The following PEBP4 variants were observed in gnomAD, a reference collection of about 807,000 sequenced individuals.
The protein encoded by PEBP4 is phosphatidylethanolamine binding protein 4, also known as phosphatidylethanolamine-binding protein 4.
In PEBP4, 22 loss-of-function variants were observed where a neutral mutation model predicts 23.9. That is an observed-to-expected ratio of 0.92 (90% CI 0.66 to 1.31). The LOEUF is 1.31. Ranked by LOEUF, PEBP4 falls within the 40% of genes most tolerant of loss-of-function variation. The pLI is 0.00. For missense variants in PEBP4, 324 were observed against 281.7 expected, an observed-to-expected ratio of 1.15 and a Z score of -1.07; for synonymous variants, 112 against 99.3, an observed-to-expected ratio of 1.13 and a Z score of -0.76.
rs1024648186 is a variant in PEBP4, at chr8:22,750,757, G to A, written c.358-23537C>T. Among the ~76,000 whole-genome samples the A allele has an allele frequency of 7.2e-5, 11 of 152,204 alleles. No homozygotes were observed. The East Asian group carries it at 1.2e-3, about 16-fold the overall frequency. ...CTTCACTCTCTCTCAGCTCCCTCTC[G>A]GAACTAAGACCTGAGCAAAGGGGTC... On this transcript the variant is annotated intron_variant, in intron 4 of 6. Coordinates refer to ENST00000256404, the MANE Select transcript of PEBP4 (RefSeq NM_144962.3).
chr8:22,823,794 A>G (rs1280339184), intron 3 of PEBP4, among the ~76,000 whole-genome samples: 8 of 152,120 alleles, frequency 5.3e-5, no homozygotes, highest in Non-Finnish European at 1.0e-4. Context: ...TTAAATCCAT[A>G]AAAAAAGACT....
intron 6 of PEBP4, among the ~76,000 whole-genome samples, chr8:22,723,378 T>C (rs541746385): frequency 7.8e-4 from 119 of 152,210 alleles, no homozygotes; most frequent in African/African-American, 2.8e-3. Context: ...TCCTCTCCCT[T>C]GTCTGTCCCT....
At chr8:22,773,984 G>C (rs7828469) in intron 4 of PEBP4, among the ~76,000 whole-genome samples, 37,855 of 152,044 alleles carry the variant, frequency 0.25, 4,978 homozygotes, top group African/African-American at 0.32. Context: ...CTGTCCCACT[G>C]ACAGGCTAGA....
chr8:22,719,110 AG>A (rs1276702186), intron 6 of PEBP4, among the ~76,000 whole-genome samples: 1 of 151,966 alleles, frequency 6.6e-6, no homozygotes, highest in African/African-American at 2.4e-5. Flanking sequence ...TCCACCTCTG[AG>A]CTGCCGAATT....
At chr8:22,849,571 G>A (rs561844720) in intron 3 of PEBP4, among the ~76,000 whole-genome samples, 67 of 152,274 alleles carry the variant, frequency 4.4e-4, no homozygotes, top group Middle Eastern at 3.4e-3. Flanking sequence ...CGGTGTTTCC[G>A]TGCCCACTGC....
intron 3 of PEBP4, among the ~76,000 whole-genome samples, chr8:22,823,824 G>T (rs927267748): frequency 3.3e-5 from 5 of 152,026 alleles, no homozygotes; most frequent in Non-Finnish European, 5.9e-5. Context: ...ATAGAAAAAT[G>T]GATGAACAGC....
At chr8:22,832,915 T>A (rs1807116870) in intron 3 of PEBP4, among the ~76,000 whole-genome samples, 1 of 149,532 alleles carries the variant, frequency 6.7e-6, no homozygotes, top group East Asian at 2.0e-4. Flanking sequence ...TCAGGCTGGG[T>A]CACTGTCCCT....
intron 3 of PEBP4, among the ~76,000 whole-genome samples, chr8:22,894,118 G>T (rs984350360): frequency 6.6e-6 from 1 of 152,132 alleles, no homozygotes; most frequent in African/African-American, 2.4e-5. Flanking sequence ...ATTATCAAGT[G>T]TGATTACCTA....
rs761722562 is a variant in PEBP4, at chr8:22,940,490, C to CTTTT, written c.145-12774_145-12771dup. Reference sequence around the variant, plus strand: ...AACACCACCTTTACCATGAATTTCTCTTTTTTTTTTTTTTTCGAGACGGAG... The same window carrying CTTTT: ...AACACCACCTTTACCATGAATTTCTCTTTTTTTTTTTTTTTTTTTCGAGACGGAG... On this transcript the variant is annotated intron_variant, in intron 1 of 1. Transcript: ENST00000522278. Among the ~76,000 whole-genome samples, 9 of 110,026 alleles carry CTTTT rather than the reference C, an allele frequency of 8.2e-5. 3 individuals are homozygous for CTTTT. Among genetic ancestry groups the CTTTT allele is most frequent in the African/African-American group, 7.5e-5 (2 of 26,662 alleles). The allele number at this position is 110,026 out of a possible 152,430, so 72.2% of individuals were successfully genotyped here. A position where few individuals can be genotyped will look rare whatever the true frequency, so the allele number is the denominator to read the frequency against.
intron 3 of PEBP4, among the ~76,000 whole-genome samples, chr8:22,834,458 G>A (rs747774977): frequency 6.6e-6 from 1 of 152,218 alleles, no homozygotes; most frequent in Non-Finnish European, 1.5e-5. Flanking sequence ...CCTGGGCTGT[G>A]AGGACAGAGG....
intron 3 of PEBP4, among the ~76,000 whole-genome samples, chr8:22,824,566 TTAC>T (rs1445691171): frequency 1.3e-5 from 2 of 152,218 alleles, no homozygotes. Flanking sequence ...TTTATTATTA[TTAC>T]ATTATAATCG....
chr8:22,830,300 TTGTG>T (rs557261932), intron 3 of PEBP4, among the ~76,000 whole-genome samples: 3 of 148,590 alleles, frequency 2.0e-5, no homozygotes, highest in African/African-American at 7.5e-5. Context: ...TGGCTAATTT[TTGTG>T]TGTGTGTGTG....
intron 4 of PEBP4, among the ~76,000 whole-genome samples, chr8:22,814,543 T>G (rs890537150): frequency 2.6e-5 from 4 of 152,200 alleles, no homozygotes; most frequent in African/African-American, 9.7e-5. Context: ...CCAGATAGCC[T>G]GTCAAAAAAT....
At chr8:22,735,905 A>G (rs1804851038) in intron 4 of PEBP4, among the ~76,000 whole-genome samples, 1 of 152,254 alleles carries the variant, frequency 6.6e-6, no homozygotes, top group Non-Finnish European at 1.5e-5. Flanking sequence ...TTGTAGAAAA[A>G]TTGTAAAACA....
At chr8:22,875,834 G>A (rs1808108579) in intron 3 of PEBP4, among the ~76,000 whole-genome samples, 1 of 152,066 alleles carries the variant, frequency 6.6e-6, no homozygotes, top group Non-Finnish European at 1.5e-5. Context: ...TCTTGGTATT[G>A]CATTGAGTCT....
At chr8:22,813,018 T>C (rs1284194371) in intron 4 of PEBP4, among the ~76,000 whole-genome samples, 1 of 152,216 alleles carries the variant, frequency 6.6e-6, no homozygotes, top group African/African-American at 2.4e-5. Flanking sequence ...ACAAGTGTCC[T>C]GGCATGTGCT....
At chr8:22,737,237 T>C (rs890716272) in intron 4 of PEBP4, among the ~76,000 whole-genome samples, 9 of 136,162 alleles carry the variant, frequency 6.6e-5, no homozygotes, top group African/African-American at 2.6e-4. Flanking sequence ...GAGGTTGCAG[T>C]GAGATCAGAT....
chr8:22,877,368 C>T (rs71515805), intron 3 of PEBP4, among the ~76,000 whole-genome samples: 24,255 of 152,170 alleles, frequency 0.16, 2,253 homozygotes, highest in Middle Eastern at 0.21. Flanking sequence ...AAACCAACCT[C>T]CTGGTTGGTT....
At chr8:22,867,985 A>C (rs1807938957) in intron 3 of PEBP4, among the ~76,000 whole-genome samples, 1 of 152,180 alleles carries the variant, frequency 6.6e-6, no homozygotes, top group Non-Finnish European at 1.5e-5. Flanking sequence ...CTGTGCATGC[A>C]CAGACCGTAG....
Sources: gnomAD v4.1 joint callset for allele counts (sites outside exome capture counted in the v4.1 genomes callset) on GRCh38, gnomAD v4.1.1 for gene constraint, MANE v1.5 for transcripts, NCBI Gene and HGNC (gene_info 2026-07-23, HGNC 2026-07-21) for gene names.